Variants in NHSL1 observed in about 807,000 individuals in gnomAD.
NHSL1 encodes NHS-like protein 1.
NHSL1 carries 48 observed loss-of-function variants against 95.0 expected under a neutral mutation model. The observed-to-expected ratio is 0.51, with a 90% confidence interval of 0.40 to 0.64. The LOEUF is 0.64. NHSL1 is among the 30% of genes least tolerant of loss of function. The pLI is 0.00. For synonymous variants in NHSL1, 783 were observed against 833.9 expected (o/e 0.94, Z 1.05); for missense variants, 1,971 against 2,077.7 (o/e 0.95, Z 1.00).
chr6:138,685,547 A>G (rs1404319414), intron 1 of NHSL1, among the ~76,000 whole-genome samples: 1 of 151,994 alleles, frequency 6.6e-6, no homozygotes, highest in South Asian at 2.1e-4. Context: ...TGAATAAAAT[A>G]TTAGCTAAAA....
intron 1 of NHSL1, among the ~76,000 whole-genome samples, chr6:138,661,495 C>CA (rs111293449): frequency 1.8e-3 from 211 of 118,044 alleles, no homozygotes; most frequent in Middle Eastern, 0.012. Flanking sequence ...CCCCCCGTCT[C>CA]AAAAAAAAAA....
intron 1 of NHSL1, among the ~76,000 whole-genome samples, chr6:138,597,237 G>A (rs930214078): frequency 6.6e-6 from 1 of 152,148 alleles, no homozygotes; most frequent in Admixed American, 6.5e-5. Flanking sequence ...GGCATATGAA[G>A]CATCAATCCA....
At chr6:138,644,765 T>C (rs537399902) in intron 1 of NHSL1, among the ~76,000 whole-genome samples, 2 of 152,332 alleles carry the variant, frequency 1.3e-5, no homozygotes, top group Admixed American at 1.3e-4. Flanking sequence ...AATAAAAGTT[T>C]CAACTTAGTT....
intron 1 of NHSL1, among the ~76,000 whole-genome samples, chr6:138,639,403 C>T (rs1426359964): frequency 2.6e-5 from 4 of 151,748 alleles, no homozygotes; most frequent in Admixed American, 2.6e-4. Flanking sequence ...CTTTGGGCGG[C>T]CGAGGTAGGT....
At chr6:138,466,722 T>C (rs1778405241) in intron 3 of NHSL1, among the ~76,000 whole-genome samples, 1 of 152,160 alleles carries the variant, frequency 6.6e-6, no homozygotes, top group Admixed American at 6.5e-5. Context: ...AACGCATTAC[T>C]CTTGCTTGTG....
chr6:138,631,770 T>C (rs1784822661), intron 1 of NHSL1, among the ~76,000 whole-genome samples: 1 of 152,096 alleles, frequency 6.6e-6, no homozygotes, highest in Non-Finnish European at 1.5e-5. Context: ...GTTTCAGTTA[T>C]GTATGACCTA....
At chr6:138,686,646 T>A (rs1205057697) in intron 1 of NHSL1, among the ~76,000 whole-genome samples, 1 of 152,240 alleles carries the variant, frequency 6.6e-6, no homozygotes, top group East Asian at 1.9e-4. Context: ...TCAAGGTCTC[T>A]GTTTACAGAT....
At chr6:138,492,718 G>T (rs570501207) in intron 2 of NHSL1, among the ~76,000 whole-genome samples, 2 of 152,274 alleles carry the variant, frequency 1.3e-5, no homozygotes, top group South Asian at 4.1e-4. Flanking sequence ...GTTCCCAAGA[G>T]TAGACTAGCT....
intron 2 of NHSL1, among the ~76,000 whole-genome samples, chr6:138,484,009 C>T (rs188826099): frequency 1.9e-3 from 288 of 152,312 alleles, no homozygotes; most frequent in African/African-American, 6.5e-3. Context: ...GGCCTCTTCT[C>T]CCATCCACAA....
chr6:138,658,890 C>A (rs1785189812), intron 1 of NHSL1, among the ~76,000 whole-genome samples: 1 of 152,004 alleles, frequency 6.6e-6, no homozygotes, highest in Non-Finnish European at 1.5e-5. Context: ...TATAGTTGTA[C>A]CCGTTTCCCC....
At chr6:138,641,456 T>C (rs973730449) in intron 1 of NHSL1, among the ~76,000 whole-genome samples, 1 of 152,078 alleles carries the variant, frequency 6.6e-6, no homozygotes, top group Non-Finnish European at 1.5e-5. Flanking sequence ...GGTTGGTGTG[T>C]GTCTCCACTA....
At chr6:138,439,636 C>T (rs962496836) in intron 5 of NHSL1, among the ~76,000 whole-genome samples, 4 of 152,220 alleles carry the variant, frequency 2.6e-5, no homozygotes, top group Non-Finnish European at 4.4e-5. Context: ...TATAAAACCA[C>T]AGTCCTTGTC....
At chr6:138,474,439 G>A (rs1047101507) in intron 2 of NHSL1, among the ~76,000 whole-genome samples, 1 of 152,062 alleles carries the variant, frequency 6.6e-6, no homozygotes, top group Non-Finnish European at 1.5e-5. Context: ...CACTTCAGTG[G>A]AGGGCTAAAA....
intron 3 of NHSL1, among the ~76,000 whole-genome samples, chr6:138,465,867 G>A (rs1386897641): frequency 6.6e-6 from 1 of 151,614 alleles, no homozygotes; most frequent in Non-Finnish European, 1.5e-5. Context: ...GGGATTACAG[G>A]TGCCTGCCAC....
rs1297554547 is a variant in NHSL1 at position 138,433,432 on chromosome 6, TCAG to T, written c.910_912del (p.Leu304del). ...GGGAATACGATCCCTGCAGAATCGC[TCAG>T]CACAGACATGTTGCCAGAGGAACCT... On this transcript the variant is annotated inframe_deletion, in exon 6 of 8. Transcript: ENST00000343505. 3.2e-6 allele frequency: 5 copies of T among 1,552,170 alleles called. No homozygotes were observed. The Admixed American group carries it at 9.8e-5, about 30-fold the overall frequency.
chr6:138,523,752 A>G (rs1781790465), intron 1 of NHSL1, among the ~76,000 whole-genome samples: 2 of 152,136 alleles, frequency 1.3e-5, no homozygotes, highest in African/African-American at 4.8e-5. Flanking sequence ...GAAGTACTGA[A>G]GAAGATGAGT....
chr6:138,551,797 G>A (rs551816485), intron 1 of NHSL1, among the ~76,000 whole-genome samples: 8 of 152,256 alleles, frequency 5.3e-5, no homozygotes, highest in African/African-American at 1.9e-4. Context: ...GTAGGCAGGG[G>A]AATATGGAAC....
In NHSL1 at chr6:138,653,469, A is replaced by G. The variant is rs966793017; in HGVS notation, c.96+39007T>C. ...TGCGGGAGGCTGAGGCAGGAGAATC[A>G]CTTGAACCCAGGAGGCGGAGATTGC... On this transcript the variant is annotated intron_variant, in intron 1 of 3. Transcript: ENST00000491526. Among the ~76,000 whole-genome samples, 5 of 152,126 alleles carry G rather than the reference A, an allele frequency of 3.3e-5. No homozygotes were observed. In the South Asian group the frequency reaches 1.0e-3, roughly 32 times the overall value.
chr6:138,438,465 T>A (rs1342620422), intron 5 of NHSL1, among the ~76,000 whole-genome samples: 2 of 152,216 alleles, frequency 1.3e-5, no homozygotes, highest in East Asian at 3.8e-4. Context: ...TATTGCAATA[T>A]TCACTTTATT....
Sources: gnomAD v4.1 joint callset for allele counts (sites outside exome capture counted in the v4.1 genomes callset) on GRCh38, gnomAD v4.1.1 for gene constraint, MANE v1.5 for transcripts, NCBI Gene and HGNC (gene_info 2026-07-23, HGNC 2026-07-21) for gene names.